The following ADGB variants were observed in gnomAD, a reference collection of about 807,000 sequenced individuals.
ADGB encodes androglobin, also known as calpain-7-like protein.
In ADGB, 172 loss-of-function variants were observed where a neutral mutation model predicts 210.5. The observed-to-expected ratio is 0.82, with a 90% CI of 0.72 to 0.93. ADGB has a LOEUF of 0.93. Ranked by LOEUF, ADGB falls within the 40% of genes least tolerant of loss-of-function variation. ADGB has a pLI of 0.00. For synonymous variants in ADGB, 658 were observed against 662.7 expected (o/e 0.99, Z 0.11); for missense variants, 2,025 against 1,964.8 (o/e 1.03, Z -0.58).
intron 33 of ADGB, among the ~76,000 whole-genome samples, chr6:146,790,795 C>T (rs181562725): frequency 9.2e-5 from 14 of 152,232 alleles, no homozygotes; most frequent in Admixed American, 5.2e-4. Context: ...TGTAATAATT[C>T]CCAGTACCAC....
chr6:146,770,141 T>C (rs530009821), intron 29 of ADGB, among the ~76,000 whole-genome samples: 3 of 152,270 alleles, frequency 2.0e-5, no homozygotes, highest in South Asian at 4.1e-4. Context: ...AATGAGTAAA[T>C]GGAAGGATAC....
chr6:146,657,279 C>T (rs1370854930), intron 5 of ADGB, among the ~76,000 whole-genome samples: 3 of 148,998 alleles, frequency 2.0e-5, no homozygotes, highest in Non-Finnish European at 4.4e-5. Flanking sequence ...GAGTTAAGGT[C>T]TCACCATTGC....
intron 2 of ADGB, among the ~76,000 whole-genome samples, chr6:146,641,683 G>C (rs763374865): frequency 2.0e-5 from 3 of 152,006 alleles, no homozygotes; most frequent in Non-Finnish European, 4.4e-5. Context: ...AAATGGTGCT[G>C]AGATAGCTGA....
intron 12 of ADGB, 72 bp from the exon 13 acceptor site, chr6:146,700,869 T>C: frequency 6.8e-7 from 1 of 1,474,290 alleles, no homozygotes; most frequent in Non-Finnish European, 9.1e-7. Context: ...TTGACAAAAA[T>C]GCAGTTATTT....
At chr6:146,661,785 A>G (rs1198052861) in intron 5 of ADGB, among the ~76,000 whole-genome samples, 1 of 151,926 alleles carries the variant, frequency 6.6e-6, no homozygotes, top group Non-Finnish European at 1.5e-5. Flanking sequence ...CTTTTGAGAC[A>G]CTCTAATGAT....
At chr6:146,693,958 A>G (rs1776370749) in intron 12 of ADGB, among the ~76,000 whole-genome samples, 1 of 152,160 alleles carries the variant, frequency 6.6e-6, no homozygotes, top group Non-Finnish European at 1.5e-5. Context: ...TATTTCTACC[A>G]GAATTTAGTT....
intron 1 of ADGB, among the ~76,000 whole-genome samples, chr6:146,622,689 A>G (rs865949358): frequency 4.6e-5 from 7 of 152,116 alleles, no homozygotes; most frequent in Middle Eastern, 3.4e-3. Flanking sequence ...TTTTTATTCT[A>G]TTAATAGTGT....
chr6:146,693,997 A>G (rs1562276316), intron 12 of ADGB, among the ~76,000 whole-genome samples: 1 of 152,128 alleles, frequency 6.6e-6, no homozygotes, highest in Non-Finnish European at 1.5e-5. Flanking sequence ...TTCTAAGAAG[A>G]TTGAGGCTTT....
In ADGB at chr6:146,599,022, A is replaced by G; in HGVS notation, c.-19A>G. The G allele has an allele frequency of 1.9e-6, 3 of 1,549,428 alleles. No homozygotes were observed. Among genetic ancestry groups the G allele is most frequent in the South Asian group, 1.2e-5 (1 of 84,008 alleles). On this transcript the variant is annotated 5_prime_UTR_variant, in exon 1 of 36. Coordinates refer to ENST00000397944, the MANE Select transcript of ADGB (RefSeq NM_024694.4). Reference sequence around the variant, plus strand: ...GGCTCTTTGCTCAGAGCTCAGCCCTACATAGATCGGCTTCTGCCATGGCCT... The same window carrying G: ...GGCTCTTTGCTCAGAGCTCAGCCCTGCATAGATCGGCTTCTGCCATGGCCT...
intron 13 of ADGB, among the ~76,000 whole-genome samples, chr6:146,712,516 T>C (rs1454599008): frequency 1.3e-5 from 2 of 152,076 alleles, no homozygotes; most frequent in African/African-American, 2.4e-5. Context: ...CTGTTTTGTT[T>C]TGTTTTTACA....
intron 9 of ADGB, among the ~76,000 whole-genome samples, chr6:146,678,289 C>G (rs529542328): frequency 6.6e-6 from 1 of 152,146 alleles, no homozygotes; most frequent in African/African-American, 2.4e-5. Context: ...TGCAGTGGTG[C>G]AATCTCAGCT....
intron 1 of ADGB, among the ~76,000 whole-genome samples, chr6:146,634,473 G>T (rs1775369608): frequency 6.6e-6 from 1 of 151,832 alleles, no homozygotes; most frequent in African/African-American, 2.4e-5. Flanking sequence ...TCTATAGGCA[G>T]GGTTTTAGCC....
intron 30 of ADGB, among the ~76,000 whole-genome samples, chr6:146,784,323 T>C (rs1231980220): frequency 6.6e-6 from 1 of 152,164 alleles, no homozygotes; most frequent in Non-Finnish European, 1.5e-5. Context: ...AAGTATAATA[T>C]CTGTCTGTGG....
intron 13 of ADGB, among the ~76,000 whole-genome samples, chr6:146,706,316 G>A (rs112223478): frequency 0.061 from 9,286 of 151,006 alleles, 920 homozygotes; most frequent in African/African-American, 0.21. Context: ...CTGGAGTGCA[G>A]TGGCACAATC....
At chr6:146,664,410 G>A (rs1025234908) in intron 6 of ADGB, 70 bp downstream of exon 6, 13 of 1,380,752 alleles carry the variant, frequency 9.4e-6, no homozygotes, top group Non-Finnish European at 1.2e-5. Flanking sequence ...CATTTGTATT[G>A]CATAATTTAT....
At chr6:146,732,738 G>A (rs1777012339) in intron 20 of ADGB, among the ~76,000 whole-genome samples, 2 of 151,896 alleles carry the variant, frequency 1.3e-5, no homozygotes, top group Admixed American at 1.3e-4. Flanking sequence ...TTCATTTTAT[G>A]TAGCATATGA....
intron 1 of ADGB, among the ~76,000 whole-genome samples, chr6:146,632,819 T>C (rs1300742963): frequency 6.6e-6 from 1 of 152,150 alleles, no homozygotes; most frequent in Non-Finnish European, 1.5e-5. Flanking sequence ...ATGTCTGGCT[T>C]AGTTGGAGGC....
At chr6:146,739,111 T>C (rs2114595676) in intron 23 of ADGB, among the ~76,000 whole-genome samples, 1 of 152,198 alleles carries the variant, frequency 6.6e-6, no homozygotes, top group East Asian at 1.9e-4. Flanking sequence ...ACAGTGACAG[T>C]CTGGGAAGAC....
intron 35 of ADGB, among the ~76,000 whole-genome samples, chr6:146,813,787 A>C (rs555325497): frequency 6.6e-6 from 1 of 152,336 alleles, no homozygotes; most frequent in East Asian, 1.9e-4. Flanking sequence ...ATAACCAAGT[A>C]AATGCAGCAG....
Sources: allele counts gnomAD v4.1 joint callset (sites outside exome capture counted in the v4.1 genomes callset), GRCh38; gene constraint gnomAD v4.1.1; transcripts MANE v1.5; gene names NCBI Gene and HGNC (gene_info 2026-07-23, HGNC 2026-07-21).